EPHB1: variants seen among roughly 807,000 people sequenced by gnomAD.
EPHB1 encodes ephrin type-B receptor 1.
EPHB1 carries 30 observed loss-of-function variants against 94.4 expected under a neutral mutation model. That is an observed-to-expected ratio of 0.32 (90% CI 0.24 to 0.43). The LOEUF (loss-of-function observed/expected upper bound fraction) is 0.43. EPHB1 is among the 20% of genes least tolerant of loss of function. The probability of loss-of-function intolerance (pLI) is 1.00; values close to 1 mark genes in which losing one functional copy is unlikely to be tolerated. For synonymous variants in EPHB1, 522 were observed against 489.1 expected (o/e 1.07, Z -0.89); for missense variants, 1,055 against 1,308.3 (o/e 0.81, Z 2.99).
At chr3:134,804,528 C>T (rs1204143948) in intron 1 of EPHB1, among the ~76,000 whole-genome samples, 1 of 152,050 alleles carries the variant, frequency 6.6e-6, no homozygotes, top group Non-Finnish European at 1.5e-5. Context: ...TTGCAGTTGG[C>T]ATCTGTGCCT....
chr3:135,152,982 T>C (rs1160134421), intron 5 of EPHB1, among the ~76,000 whole-genome samples: 2 of 152,182 alleles, frequency 1.3e-5, no homozygotes, highest in Admixed American at 6.5e-5. Context: ...TCTAACTCTT[T>C]ATGGCTTTCC....
intron 1 of EPHB1, among the ~76,000 whole-genome samples, chr3:134,880,374 G>T (rs1265761560): frequency 6.6e-6 from 1 of 152,328 alleles, no homozygotes; most frequent in Non-Finnish European, 1.5e-5. Context: ...GATACCTTCA[G>T]GGCTGGTTTG....
At chr3:135,130,016 G>C (rs967599046) in intron 4 of EPHB1, among the ~76,000 whole-genome samples, 1 of 152,126 alleles carries the variant, frequency 6.6e-6, no homozygotes, top group African/African-American at 2.4e-5. Flanking sequence ...CAACCATTTT[G>C]GATAGTCAGG....
chr3:134,804,362 G>A (rs545043662), intron 1 of EPHB1, among the ~76,000 whole-genome samples: 12 of 152,140 alleles, frequency 7.9e-5, no homozygotes, highest in Admixed American at 2.0e-4. Flanking sequence ...GGGAAAGACC[G>A]GCCACCATGA....
intron 1 of EPHB1, among the ~76,000 whole-genome samples, chr3:134,863,194 C>T (rs373783001): frequency 7.9e-5 from 12 of 152,322 alleles, no homozygotes; most frequent in African/African-American, 2.4e-4. Flanking sequence ...GGAATAAAGA[C>T]GTTTCTTTAA....
chr3:135,208,449 T>C (rs923701191), intron 12 of EPHB1, among the ~76,000 whole-genome samples: 3 of 152,106 alleles, frequency 2.0e-5, no homozygotes, highest in Admixed American at 6.6e-5. Context: ...TTTCCTTGCC[T>C]TCTTTAGAAA....
chr3:135,190,719 T>C (rs1942433759), intron 10 of EPHB1, among the ~76,000 whole-genome samples: 1 of 152,242 alleles, frequency 6.6e-6, no homozygotes, highest in African/African-American at 2.4e-5. Context: ...CAAATAGTGG[T>C]ACTTCTATTT....
At chr3:134,963,184 T>TC (rs767974056) in intron 3 of EPHB1, among the ~76,000 whole-genome samples, 9 of 138,366 alleles carry the variant, frequency 6.5e-5, no homozygotes, top group African/African-American at 1.6e-4. Context: ...CTTCCTTCCT[T>TC]CTTCCTTCTT....
chr3:135,013,458 G>A (rs1034743313), intron 3 of EPHB1, among the ~76,000 whole-genome samples: 9 of 152,324 alleles, frequency 5.9e-5, no homozygotes, highest in African/African-American at 1.4e-4. Context: ...CGCATACCGA[G>A]GAATCCGTAT....
chr3:134,903,354 G>C (rs2038244567), intron 1 of EPHB1, among the ~76,000 whole-genome samples: 1 of 152,134 alleles, frequency 6.6e-6, no homozygotes, highest in Admixed American at 6.5e-5. Context: ...GCAAAACAAG[G>C]GTGAGTGTAT....
intron 1 of EPHB1, among the ~76,000 whole-genome samples, chr3:134,883,071 C>G (rs935263229): frequency 3.9e-5 from 6 of 152,116 alleles, no homozygotes; most frequent in Non-Finnish European, 7.3e-5. Flanking sequence ...ATCCGCCTGT[C>G]TTGGCCTCCC....
At chr3:135,088,841 C>A (rs1204771712) in intron 3 of EPHB1, among the ~76,000 whole-genome samples, 11 of 152,208 alleles carry the variant, frequency 7.2e-5, no homozygotes, top group Admixed American at 7.2e-4. Flanking sequence ...GGTGATGACA[C>A]ATTGTCTATA....
At chr3:135,006,755 A>G (rs1028824825) in intron 3 of EPHB1, among the ~76,000 whole-genome samples, 1 of 152,234 alleles carries the variant, frequency 6.6e-6, no homozygotes, top group Non-Finnish European at 1.5e-5. Flanking sequence ...TATACGGTAC[A>G]TTCCCAGAAA....
At chr3:134,937,279 A>C (rs2039021549) in intron 2 of EPHB1, among the ~76,000 whole-genome samples, 1 of 152,358 alleles carries the variant, frequency 6.6e-6, no homozygotes. Context: ...GCAGTCCCTG[A>C]AGTGGATCAC....
Position 135,260,026 on chromosome 3 carries a change from G to A in EPHB1, c.*906G>A. 4.3e-6 allele frequency: 1 copy of A among 232,466 alleles called. No homozygotes were observed. Among genetic ancestry groups the A allele is most frequent in the Non-Finnish European group, 8.5e-6 (1 of 117,408 alleles). 14.4% of individuals were successfully genotyped at this position (232,466 alleles called of 1,614,324 possible). ...ATTGGCTCAATGGGAAGAGAGGAGA[G>A]GGAGAAAAATAAAATGAAAGGAAAA... On this transcript the variant is annotated 3_prime_UTR_variant, in exon 16 of 16. Coordinates refer to ENST00000398015, the MANE Select transcript of EPHB1 (RefSeq NM_004441.5).
intron 11 of EPHB1, among the ~76,000 whole-genome samples, chr3:135,196,948 G>T (rs1942634964): frequency 6.6e-6 from 1 of 151,914 alleles, no homozygotes; most frequent in South Asian, 2.1e-4. Flanking sequence ...CAACCTGGTG[G>T]CTCTTCCGTA....
chr3:135,163,497 A>C (rs1470016270), intron 7 of EPHB1, among the ~76,000 whole-genome samples: 1 of 152,192 alleles, frequency 6.6e-6, no homozygotes, highest in East Asian at 1.9e-4. Context: ...GAGGTGAGCC[A>C]GTTAATTCAG....
intron 1 of EPHB1, among the ~76,000 whole-genome samples, chr3:134,903,455 A>G (rs1515360): frequency 0.88 from 133,586 of 152,286 alleles, 59,127 homozygotes; most frequent in East Asian, 0.93. Context: ...CTCAAGGCCT[A>G]GGATGTGCTG....
intron 4 of EPHB1, among the ~76,000 whole-genome samples, chr3:135,120,879 G>A (rs908342220): frequency 6.6e-6 from 1 of 152,162 alleles, no homozygotes; most frequent in Non-Finnish European, 1.5e-5. Context: ...CATCTAGGAA[G>A]GGGGCTCTTA....
Sources: allele counts gnomAD v4.1 joint callset (sites outside exome capture counted in the v4.1 genomes callset), GRCh38; gene constraint gnomAD v4.1.1; transcripts MANE v1.5; gene names NCBI Gene and HGNC (gene_info 2026-07-23, HGNC 2026-07-21).